The following CAMK2D variants were observed in gnomAD, a reference collection of about 807,000 sequenced individuals.
The protein encoded by CAMK2D is calcium/calmodulin dependent protein kinase II delta, also known as calcium/calmodulin-dependent protein kinase type II subunit delta.
In CAMK2D, 37 loss-of-function variants were observed where a neutral mutation model predicts 84.0. That is an observed-to-expected ratio of 0.44 (90% CI 0.34 to 0.58). CAMK2D has a LOEUF of 0.58. CAMK2D is among the 20% of genes least tolerant of loss of function. The pLI, the probability that CAMK2D is intolerant of heterozygous loss-of-function variation, is 0.02. For missense variants in CAMK2D, 448 were observed against 652.5 expected (o/e 0.69, Z 3.41); for synonymous variants, 202 against 212.5 (o/e 0.95, Z 0.43).
intron 2 of CAMK2D, among the ~76,000 whole-genome samples, chr4:113,725,898 C>T (rs1216601115): frequency 2.0e-5 from 3 of 151,996 alleles, no homozygotes; most frequent in Non-Finnish European, 4.4e-5. Flanking sequence ...TATATATCTG[C>T]CTATAAAGTA....
chr4:113,509,767 A>T (rs2098185326), intron 12 of CAMK2D, 92 bp from the exon 13 acceptor site: 3 of 884,150 alleles, frequency 3.4e-6, no homozygotes, highest in Non-Finnish European at 5.7e-6. Context: ...TCCTTCTACC[A>T]CCTTTGCTGA....
intron 2 of CAMK2D, among the ~76,000 whole-genome samples, chr4:113,707,343 C>A (rs1593326689): frequency 6.6e-6 from 1 of 152,206 alleles, no homozygotes; most frequent in East Asian, 1.9e-4. Flanking sequence ...CAAAAGGATA[C>A]AAGGAGTCAG....
At chr4:113,742,570 AT>A (rs143698248) in intron 2 of CAMK2D, among the ~76,000 whole-genome samples, 4,488 of 146,914 alleles carry the variant, frequency 0.031, 147 homozygotes, top group East Asian at 0.16. Context: ...TCTTGAGTTC[AT>A]TTTTTTTTTT....
intron 3 of CAMK2D, among the ~76,000 whole-genome samples, chr4:113,630,536 A>G (rs2099085353): frequency 6.6e-6 from 1 of 152,220 alleles, no homozygotes; most frequent in Non-Finnish European, 1.5e-5. Flanking sequence ...AAGTCCCAAG[A>G]CTAAGCTTCA....
chr4:113,651,619 T>C (rs770159201), intron 3 of CAMK2D, among the ~76,000 whole-genome samples: 5 of 152,196 alleles, frequency 3.3e-5, no homozygotes, highest in Non-Finnish European at 5.9e-5. Context: ...GAATTCATCA[T>C]CACATTACTA....
intron 8 of CAMK2D, among the ~76,000 whole-genome samples, chr4:113,526,011 A>C (rs1349780973): frequency 6.6e-6 from 1 of 152,210 alleles, no homozygotes; most frequent in Admixed American, 6.5e-5. Context: ...AAGTGAATTA[A>C]TGTCACTTTC....
intron 16 of CAMK2D, among the ~76,000 whole-genome samples, chr4:113,483,621 G>A (rs2097729063): frequency 6.6e-6 from 1 of 151,946 alleles, no homozygotes; most frequent in African/African-American, 2.4e-5. Context: ...GGCCAGGTTG[G>A]TCTCAAACTC....
intron 4 of CAMK2D, among the ~76,000 whole-genome samples, chr4:113,565,676 C>CA (rs11341070): frequency 0.029 from 4,255 of 147,810 alleles, 199 homozygotes; most frequent in African/African-American, 0.098. Context: ...AGAAGTCACA[C>CA]AAAAAAAACG....
intron 4 of CAMK2D, among the ~76,000 whole-genome samples, chr4:113,600,438 C>T (rs978462193): frequency 2.0e-5 from 3 of 152,034 alleles, no homozygotes; most frequent in Non-Finnish European, 2.9e-5. Context: ...TATTTCCACT[C>T]ATTTTTGCTG....
At chr4:113,470,822 C>A (rs2097539291) in intron 16 of CAMK2D, among the ~76,000 whole-genome samples, 1 of 152,148 alleles carries the variant, frequency 6.6e-6, no homozygotes, top group Admixed American at 6.5e-5. Flanking sequence ...GGTGGTACTG[C>A]ACCATTGCAT....
At chr4:113,674,817 G>GT (rs1207139448) in intron 2 of CAMK2D, among the ~76,000 whole-genome samples, 1 of 151,764 alleles carries the variant, frequency 6.6e-6, no homozygotes, top group Non-Finnish European at 1.5e-5. Flanking sequence ...TGGGTTTTTT[G>GT]TATCACAGTT....
At chr4:113,681,540 C>T (rs2154335087) in intron 2 of CAMK2D, among the ~76,000 whole-genome samples, 1 of 152,198 alleles carries the variant, frequency 6.6e-6, no homozygotes, top group East Asian at 1.9e-4. Context: ...CTTAATAGCA[C>T]CATGAAAATG....
intron 2 of CAMK2D, among the ~76,000 whole-genome samples, chr4:113,707,936 G>T (rs1480607218): frequency 6.6e-6 from 1 of 152,164 alleles, no homozygotes; most frequent in Non-Finnish European, 1.5e-5. Flanking sequence ...TCAGTTGTTA[G>T]TTCCCTTCCA....
At chr4:113,662,434 G>T (rs543064362) in intron 2 of CAMK2D, among the ~76,000 whole-genome samples, 28 of 151,822 alleles carry the variant, frequency 1.8e-4, no homozygotes, top group Non-Finnish European at 3.4e-4. Context: ...TTTGGTGGAG[G>T]TACCTATAAA....
At chr4:113,669,029 T>C (rs2099269054) in intron 2 of CAMK2D, among the ~76,000 whole-genome samples, 1 of 152,152 alleles carries the variant, frequency 6.6e-6, no homozygotes, top group Admixed American at 6.5e-5. Flanking sequence ...TATGTTGTCC[T>C]ACAGAAGAAA....
At chr4:113,457,603 T>C in intron 18 of CAMK2D, 40 bp from the exon 19 acceptor site, 1 of 1,570,260 alleles carries the variant, frequency 6.4e-7, no homozygotes, top group Non-Finnish European at 8.7e-7. Flanking sequence ...TTAGTTTCTA[T>C]GTAAAGGAAA....
chr4:113,727,356 C>T (rs971241711), intron 2 of CAMK2D, among the ~76,000 whole-genome samples: 1 of 152,036 alleles, frequency 6.6e-6, no homozygotes, highest in African/African-American at 2.4e-5. Flanking sequence ...TAAGGATATA[C>T]AAATTTATCA....
At chr4:113,497,836 C>T (rs554755497) in intron 16 of CAMK2D, among the ~76,000 whole-genome samples, 1 of 152,226 alleles carries the variant, frequency 6.6e-6, no homozygotes, top group Non-Finnish European at 1.5e-5. Context: ...ATAGCTGGGA[C>T]AGCCAGCAGC....
At chr4:113,499,057 T>C (rs1321695959) in intron 16 of CAMK2D, among the ~76,000 whole-genome samples, 2 of 152,186 alleles carry the variant, frequency 1.3e-5, no homozygotes. Flanking sequence ...AAAATTCATA[T>C]GAAACATTTA....
Sources: allele counts gnomAD v4.1 joint callset (sites outside exome capture counted in the v4.1 genomes callset), GRCh38; gene constraint gnomAD v4.1.1; transcripts MANE v1.5; gene names NCBI Gene and HGNC (gene_info 2026-07-23, HGNC 2026-07-21).